C9orf50: variants seen among roughly 807,000 people sequenced by gnomAD.
C9orf50 encodes the protein uncharacterized protein C9orf50.
Under a neutral mutation model 42.5 loss-of-function variants are expected in C9orf50, and 33 were observed. The observed-to-expected ratio is 0.78, with a 90% CI of 0.59 to 1.04. The LOEUF is 1.04. C9orf50 is among the 50% of genes least tolerant of loss of function. The pLI is 0.00. For synonymous variants in C9orf50, 257 were observed against 273.4 expected (o/e 0.94, Z 0.59); for missense variants, 547 against 594.3 (o/e 0.92, Z 0.83).
At chr9:129,612,577 G>C in intron 6 of C9orf50, 123 bp from the exon 7 acceptor site, 2 of 736,482 alleles carry the variant, frequency 2.7e-6, no homozygotes, top group Non-Finnish European at 4.6e-6. Flanking sequence ...CATTTTAAAA[G>C]ATGAGGAAAC....
rs189468452 is a variant in C9orf50, at chr9:129,615,240, C to T, written c.880+244G>A. Among the ~76,000 whole-genome samples the T allele has an allele frequency of 1.3e-3, 195 of 152,332 alleles. 1 individual carries two copies. The highest frequency in any genetic ancestry group is 4.1e-3 in the African/African-American group (171 of 41,574). Reference sequence around the variant, plus strand: ...ACAGCATATGGGAACCCCTTGGCAGCGAGCAGTCCAAGGTGCTGCCTGCGT... The same window carrying T: ...ACAGCATATGGGAACCCCTTGGCAGTGAGCAGTCCAAGGTGCTGCCTGCGT... On this transcript the variant is annotated intron_variant, in intron 4 of 6. Transcript: ENST00000372478.
rs1463613004 is a variant in C9orf50, at chr9:129,613,392, C to T, written c.1043+43G>A. 1 of 1,604,006 alleles carries T rather than the reference C, an allele frequency of 6.2e-7. No homozygotes were observed. Among genetic ancestry groups the T allele is most frequent in the Admixed American group, 1.7e-5 (1 of 59,520 alleles). The stretch of plus-strand genomic sequence containing the variant: ...CTGTAGGCAAGGGGGGTGGAGGGCC[C>T]TGGCAATGTCCACGAGTCCCATCCG... On this transcript the variant is annotated intron_variant, in intron 5 of 6. Transcript: ENST00000372478. The surrounding 1 kb of genome is among the most constrained non-coding windows in gnomAD (Gnocchi z 6.2).
intron 3 of C9orf50, 22 bp downstream of exon 3, chr9:129,619,498 C>G: frequency 6.4e-7 from 1 of 1,567,856 alleles, no homozygotes; most frequent in Non-Finnish European, 8.8e-7. Flanking sequence ...ACTACCCTAC[C>G]CTTATCCCGC....
intron 6 of C9orf50, 69 bp from the exon 7 acceptor site, chr9:129,612,523 G>C: frequency 8.0e-7 from 1 of 1,248,666 alleles, no homozygotes; most frequent in Non-Finnish European, 1.2e-6. Flanking sequence ...CTCCCAGTGG[G>C]ATTCTGTGCT....
At chr9:129,617,211 A>G (rs188184162) in intron 3 of C9orf50, among the ~76,000 whole-genome samples, 6 of 152,328 alleles carry the variant, frequency 3.9e-5, no homozygotes, top group African/African-American at 1.4e-4. Context: ...ATCTGACCAC[A>G]TCTGTATGTC....
rs1435665797 is a variant in C9orf50, at chr9:129,619,667, AGT to A, written c.600-33_600-32del. The A allele has an allele frequency of 1.9e-6, 3 of 1,610,206 alleles. No homozygotes were observed. The South Asian group carries it at 3.3e-5, about 18-fold the overall frequency. ...AGACAAACAGGCCACATCTGGCATG[AGT>A]GGCCAGGCTGTCCCGCCCTGGAAAC... On this transcript the variant is annotated intron_variant, in intron 2 of 6. Transcript: ENST00000372478.
In C9orf50 at chr9:129,614,942, A is replaced by C. The variant is rs531398067; in HGVS notation, c.880+542T>G. Among the ~76,000 whole-genome samples the C allele has an allele frequency of 1.3e-5, 2 of 152,148 alleles. No individual in the cohort carries two copies. The highest frequency in any genetic ancestry group is 1.3e-4 in the Admixed American group (2 of 15,292). On this transcript the variant is annotated intron_variant, in intron 4 of 6. Transcript: ENST00000372478. This position sits in a 1 kb window ranked among gnomAD's most constrained non-coding sequence, Gnocchi z 4.4. Reference sequence around the variant, plus strand: ...AAAAGAAAACTCACTGGGAACTGCAAAACAGACACCATTACATCCAGGGTC... The same window carrying C: ...AAAAGAAAACTCACTGGGAACTGCACAACAGACACCATTACATCCAGGGTC...
chr9:129,614,137 A>G lies in C9orf50; in HGVS notation c.881-540T>C, dbSNP rs1830231666. The stretch of plus-strand genomic sequence containing the variant: ...CACGGAATCATCTCCTGTATGCACC[A>G]ACTGCCATTCACATGAAATTGTTTC... On this transcript the variant is annotated intron_variant, in intron 4 of 6. Transcript: ENST00000372478. The surrounding 1 kb of genome is among the most constrained non-coding windows in gnomAD (Gnocchi z 4.4). Among the ~76,000 whole-genome samples the G allele has an allele frequency of 2.0e-5, 3 of 152,304 alleles. No individual in the cohort carries two copies. The highest frequency in any genetic ancestry group is 2.0e-4 in the Admixed American group (3 of 15,296).
intron 3 of C9orf50, among the ~76,000 whole-genome samples, chr9:129,617,811 G>A (rs1224232622): frequency 6.6e-6 from 1 of 152,080 alleles, no homozygotes; most frequent in Non-Finnish European, 1.5e-5. Context: ...AGCCTCCCGA[G>A]TAGCTGGAAC....
rs1263561227 is a variant in C9orf50 at position 129,619,563 on chromosome 9, T to A, written c.673A>T (p.Lys225Ter). 4.3e-6 allele frequency: 7 copies of A among 1,614,028 alleles called. No homozygotes were observed. Among genetic ancestry groups the A allele is most frequent in the Non-Finnish European group, 5.9e-6 (7 of 1,180,016 alleles). ...GTGGTGAATTGTGAGTGATCACCCT[T>A]CAGGGGCCCCAGAATAGGTGTCTGC... is the stretch of plus-strand genomic sequence containing the variant. Residue 225 changes from lysine (K) to a stop codon, truncating the protein, a stop_gained, in exon 3 of 7, where the codon AAG becomes TAG. Coordinates refer to ENST00000372478, the Ensembl canonical transcript of C9orf50. LOFTEE classifies it high-confidence loss of function.
chr9:129,613,129 T>G lies in C9orf50; in HGVS notation c.1166A>C (p.Asp389Ala), dbSNP rs752581363. ...CACCTGCTCCAGGTTTCTGTGCGGGTCCAAGAAGGCTCGGAGGCTGCTTCG... is the reference window on the plus strand; with the variant it reads ...CACCTGCTCCAGGTTTCTGTGCGGGGCCAAGAAGGCTCGGAGGCTGCTTCG... The change falls in exon 6 of 7, where the codon GAC (aspartate) becomes GCC (alanine). Residue 389 changes from aspartate to alanine, a missense_variant. Asp to Ala is a moderately radical substitution (Grantham distance 126). Coordinates refer to ENST00000372478, the Ensembl canonical transcript of C9orf50. This position sits in a 1 kb window ranked among gnomAD's most constrained non-coding sequence, Gnocchi z 6.2. 9.9e-6 allele frequency: 16 copies of G among 1,613,760 alleles called. No homozygotes were observed. The highest frequency in any genetic ancestry group is 1.4e-5 in the Non-Finnish European group (16 of 1,179,998).
chr9:129,614,053 G>A lies in C9orf50; in HGVS notation c.881-456C>T, dbSNP rs987133211. Among the ~76,000 whole-genome samples the A allele has an allele frequency of 2.0e-5, 3 of 152,312 alleles. No homozygotes were observed. The highest frequency in any genetic ancestry group is 3.4e-3 in the Middle Eastern group (1 of 294). On this transcript the variant is annotated intron_variant, in intron 4 of 6. Transcript: ENST00000372478. This position sits in a 1 kb window ranked among gnomAD's most constrained non-coding sequence, Gnocchi z 4.4. ...TGGGAAGCAGCAGGCTGGCCCCCAC[G>A]TCTCCTGGGCACCCTGCTGCCCGGG...
chr9:129,615,672 G>T (rs771624750), intron 3 of C9orf50, 25 bp from the exon 4 acceptor site: 26 of 1,505,174 alleles, frequency 1.7e-5, no homozygotes, highest in Non-Finnish European at 1.9e-5. Flanking sequence ...AGGGGCCTGT[G>T]CTCGAAGCCC....
At chr9:129,617,780 C>G (rs577776121) in intron 3 of C9orf50, among the ~76,000 whole-genome samples, 43 of 152,216 alleles carry the variant, frequency 2.8e-4, no homozygotes, top group African/African-American at 9.9e-4. Context: ...ACCTCCCAGG[C>G]TCAAGCAATC....
rs75121682 is a variant in C9orf50, at chr9:129,619,654, C to G, written c.600-18G>C. The G allele has an allele frequency of 4.7e-3, 7,560 of 1,613,548 alleles. 184 individuals are homozygous for G. The East Asian group carries it at 0.075, about 16-fold the overall frequency. On this transcript the variant is annotated intron_variant, in intron 2 of 6. Coordinates refer to ENST00000372478, the Ensembl canonical transcript of C9orf50. The stretch of plus-strand genomic sequence containing the variant: ...ACTGGCCCCTTAAAGACAAACAGGC[C>G]ACATCTGGCATGAGTGGCCAGGCTG...
intron 3 of C9orf50, among the ~76,000 whole-genome samples, chr9:129,616,949 C>T (rs1830419590): frequency 6.6e-6 from 1 of 152,092 alleles, no homozygotes; most frequent in African/African-American, 2.4e-5. Flanking sequence ...TGGCGTGCGC[C>T]TGTAGTTCCA....
exon 7 of C9orf50, chr9:129,612,333 G>A (rs1371917365): frequency 6.2e-7 from 1 of 1,607,466 alleles, no homozygotes; most frequent in Non-Finnish European, 8.5e-7. Context: ...CCCTGGCCTT[G>A]GGTTCGCGAG....
At chr9:129,619,706 C>T in intron 2 of C9orf50, 34 bp downstream of exon 2, 1 of 1,612,630 alleles carries the variant, frequency 6.2e-7, no homozygotes, top group South Asian at 1.1e-5. Context: ...TCGATGGCAA[C>T]CCCGTCCCCA....
chr9:129,618,590 G>A (rs1830505151), intron 3 of C9orf50, among the ~76,000 whole-genome samples: 1 of 152,204 alleles, frequency 6.6e-6, no homozygotes, highest in Non-Finnish European at 1.5e-5. Context: ...ACAGTGTCCT[G>A]GGTTTACAAG....
Sources: gnomAD v4.1 joint callset for allele counts (sites outside exome capture counted in the v4.1 genomes callset) on GRCh38, gnomAD v4.1.1 for gene constraint, Gnocchi (gnomAD v3.1) non-coding constraint, MANE v1.5 for transcripts, NCBI Gene and HGNC (gene_info 2026-07-23, HGNC 2026-07-21) for gene names.